Variants in NBEA observed in about 807,000 individuals in gnomAD.
NBEA encodes lysosomal-trafficking regulator 2.
Under a neutral mutation model 343.4 loss-of-function variants are expected in NBEA, and 44 were observed. That is an observed-to-expected ratio of 0.13 (90% CI 0.10 to 0.16). NBEA has a LOEUF of 0.16. Among genes scored for constraint, NBEA ranks in the 10% least tolerant of loss-of-function variants. The pLI is 1.00. For synonymous variants in NBEA, 1,175 were observed against 1,238.7 expected, an observed-to-expected ratio of 0.95 and a Z score of 1.08; for missense variants, 2,555 against 3,631.3, an observed-to-expected ratio of 0.70 and a Z score of 7.62.
chr13:35,072,274 T>C (rs1299263427), intron 10 of NBEA, among the ~76,000 whole-genome samples: 1 of 152,080 alleles, frequency 6.6e-6, no homozygotes, highest in African/African-American at 2.4e-5. Flanking sequence ...ATACATATAT[T>C]ATCAAATCTT....
At chr13:35,222,311 G>A (rs2074412407) in intron 33 of NBEA, among the ~76,000 whole-genome samples, 1 of 151,740 alleles carries the variant, frequency 6.6e-6, no homozygotes, top group Non-Finnish European at 1.5e-5. Flanking sequence ...GGTTTTGATG[G>A]TAATTTTTTC....
chr13:35,562,285 G>T (rs1374568448), intron 44 of NBEA, among the ~76,000 whole-genome samples: 1 of 151,796 alleles, frequency 6.6e-6, no homozygotes, highest in African/African-American at 2.4e-5. Flanking sequence ...CTAAAAATGT[G>T]GTTTCAACTT....
At chr13:35,128,623 C>T (rs1303809709) in intron 17 of NBEA, among the ~76,000 whole-genome samples, 2 of 152,184 alleles carry the variant, frequency 1.3e-5, no homozygotes, top group East Asian at 3.9e-4. Context: ...CCTGACACTA[C>T]CTGCAGGGAT....
chr13:35,360,901 G>C (rs892253838), intron 38 of NBEA, among the ~76,000 whole-genome samples: 2 of 151,986 alleles, frequency 1.3e-5, no homozygotes, highest in Non-Finnish European at 2.9e-5. Context: ...ATCATCAGAA[G>C]AAGAGGAGAA....
chr13:35,359,768 A>G (rs1283460587), intron 38 of NBEA, among the ~76,000 whole-genome samples: 3 of 151,940 alleles, frequency 2.0e-5, no homozygotes, highest in Non-Finnish European at 4.4e-5. Flanking sequence ...CGTAAGCCAT[A>G]CAGCCTAAAT....
intron 38 of NBEA, among the ~76,000 whole-genome samples, chr13:35,417,398 C>T (rs899237907): frequency 1.3e-5 from 2 of 152,094 alleles, no homozygotes; most frequent in African/African-American, 2.4e-5. Flanking sequence ...CCTCTACACA[C>T]CGCTTTAAAT....
chr13:34,966,635 T>C (rs910218850), intron 1 of NBEA, among the ~76,000 whole-genome samples: 2 of 146,804 alleles, frequency 1.4e-5, no homozygotes, highest in South Asian at 2.2e-4. Flanking sequence ...TTTTTTTTTT[T>C]CTCTCTCTCT....
rs1039041024 is a variant in NBEA, at chr13:35,579,305, G to A, written c.7036-4593G>A. On this transcript the variant is annotated intron_variant, in intron 45 of 58. Coordinates refer to ENST00000379939, the MANE Select transcript of NBEA (RefSeq NM_001385012.1). ...TGTATTTGTTTAAATCAATAACTCT[G>A]TGCTCAGACTTTTATGTTCTCTAAA... Among the ~76,000 whole-genome samples, 8 of 151,950 alleles carry A rather than the reference G, an allele frequency of 5.3e-5. 1 individual carries two copies. Among genetic ancestry groups the A allele is most frequent in the African/African-American group, 1.7e-4 (7 of 41,408 alleles).
At chr13:35,475,620 G>T in intron 41 of NBEA, 1 of 1,613,816 alleles carries the variant, frequency 6.2e-7, no homozygotes, top group South Asian at 1.1e-5. Context: ...TGCATTTAAA[G>T]GCCGGCGTGA....
At chr13:35,407,704 T>C (rs2152913558) in intron 38 of NBEA, among the ~76,000 whole-genome samples, 1 of 152,260 alleles carries the variant, frequency 6.6e-6, no homozygotes, top group East Asian at 1.9e-4. Context: ...CGAGCATTGC[T>C]ATACATCATC....
At chr13:35,646,138 C>G in intron 50 of NBEA, 121 bp from the exon 51 acceptor site, 1 of 786,224 alleles carries the variant, frequency 1.3e-6, no homozygotes, top group Non-Finnish European at 2.1e-6. Context: ...AAAGAGCACC[C>G]GTTGAATTTT....
intron 41 of NBEA, chr13:35,475,535 C>T: frequency 6.2e-7 from 1 of 1,613,130 alleles, no homozygotes; most frequent in Non-Finnish European, 8.5e-7. Flanking sequence ...GCCTTGACCT[C>T]CGCCACCCGG....
At chr13:35,422,563 G>T (rs2044364022) in intron 38 of NBEA, among the ~76,000 whole-genome samples, 1 of 152,084 alleles carries the variant, frequency 6.6e-6, no homozygotes. Context: ...GGACATTTGG[G>T]TTGGTTCCAA....
At chr13:35,303,579 A>G (rs2036692226) in intron 35 of NBEA, among the ~76,000 whole-genome samples, 1 of 152,174 alleles carries the variant, frequency 6.6e-6, no homozygotes, top group Non-Finnish European at 1.5e-5. Flanking sequence ...GGACTATTTT[A>G]TACATAAACA....
intron 1 of NBEA, among the ~76,000 whole-genome samples, chr13:35,010,414 C>CA (rs1159197479): frequency 6.6e-6 from 1 of 151,542 alleles, no homozygotes. Flanking sequence ...CTCATTTCTA[C>CA]AAAAAGCGAA....
chr13:35,584,215 G>C (rs1438776624), intron 46 of NBEA, among the ~76,000 whole-genome samples, 177 bp downstream of exon 46: 1 of 151,962 alleles, frequency 6.6e-6, no homozygotes, highest in African/African-American at 2.4e-5. Flanking sequence ...TGTCTCATTT[G>C]CAAAATTGGA....
At chr13:35,563,138 G>A (rs1348212134) in intron 44 of NBEA, among the ~76,000 whole-genome samples, 2 of 132,134 alleles carry the variant, frequency 1.5e-5, no homozygotes, top group Non-Finnish European at 3.2e-5. Context: ...TGTGGAGATA[G>A]ATAGATAGAT....
chr13:35,422,201 G>A (rs2044324895), intron 38 of NBEA, among the ~76,000 whole-genome samples: 1 of 150,442 alleles, frequency 6.6e-6, no homozygotes, highest in Admixed American at 6.6e-5. Context: ...ACAACGTGCA[G>A]GTTTGTTACA....
intron 34 of NBEA, chr13:35,251,332 A>G: frequency 1.0e-6 from 1 of 989,512 alleles, no homozygotes; most frequent in Non-Finnish European, 1.2e-6. Context: ...TGTCACTGCC[A>G]GCTTCCTCAC....
Sources: gnomAD v4.1 joint callset for allele counts (sites outside exome capture counted in the v4.1 genomes callset) on GRCh38, gnomAD v4.1.1 for gene constraint, MANE v1.5 for transcripts, NCBI Gene and HGNC (gene_info 2026-07-23, HGNC 2026-07-21) for gene names.